The following GSE1 variants were observed in gnomAD, a reference collection of about 807,000 sequenced individuals.
The protein encoded by GSE1 is Gse1 coiled-coil protein, also known as genetic suppressor element 1.
Under a neutral mutation model 112.6 loss-of-function variants are expected in GSE1, and 32 were observed. The ratio of observed to expected loss-of-function variants is 0.28; its 90% CI spans 0.21 to 0.38. The LOEUF (loss-of-function observed/expected upper bound fraction) is 0.38, where lower values mean the gene tolerates loss of function less well. GSE1 is among the 10% of genes least tolerant of loss of function. GSE1 has a pLI of 1.00. For missense variants in GSE1, 2,348 were observed against 1,699.2 expected (o/e 1.38, Z -6.71); for synonymous variants, 1,115 against 735.6 (o/e 1.52, Z -8.35).
At chr16:85,253,740 G>A (rs1444379201) in intron 1 of GSE1, among the ~76,000 whole-genome samples, 1 of 152,116 alleles carries the variant, frequency 6.6e-6, no homozygotes, top group African/African-American at 2.4e-5. Flanking sequence ...TGCTCCCGGT[G>A]GAGGGAACTG....
At chr16:85,200,680 C>T (rs2143549073) in intron 1 of GSE1, among the ~76,000 whole-genome samples, 1 of 152,298 alleles carries the variant, frequency 6.6e-6, no homozygotes, top group South Asian at 2.1e-4. Context: ...AATCTTACTG[C>T]AAGGGGACAG....
chr16:85,665,483 G>A (rs555037030), intron 12 of GSE1, among the ~76,000 whole-genome samples: 3 of 152,320 alleles, frequency 2.0e-5, no homozygotes, highest in South Asian at 2.1e-4. Flanking sequence ...CTTAGTGCCC[G>A]CAGCCTGGTC....
intron 2 of GSE1, among the ~76,000 whole-genome samples, chr16:85,386,332 C>A (rs149108333): frequency 3.9e-5 from 6 of 152,316 alleles, no homozygotes; most frequent in Admixed American, 3.3e-4. Context: ...CTGGGTCAAA[C>A]CTGGTCATGC....
At chr16:85,291,964 C>T (rs28680870) in intron 1 of GSE1, among the ~76,000 whole-genome samples, 1 of 152,194 alleles carries the variant, frequency 6.6e-6, no homozygotes, top group Non-Finnish European at 1.5e-5. Flanking sequence ...CTGCCCTTGA[C>T]CCTGGGAGCC....
chr16:85,391,570 C>T (rs373347015), intron 2 of GSE1, among the ~76,000 whole-genome samples: 10 of 152,220 alleles, frequency 6.6e-5, no homozygotes, highest in East Asian at 5.8e-4. Context: ...GCGGTCATCA[C>T]GTGGCCGCCT....
chr16:85,392,856 A>T (rs2047873789), intron 2 of GSE1, among the ~76,000 whole-genome samples: 6 of 152,132 alleles, frequency 3.9e-5, no homozygotes, highest in Admixed American at 3.9e-4. Context: ...AGGTTGGCTG[A>T]CCCCGAATGT....
intron 1 of GSE1, among the ~76,000 whole-genome samples, chr16:85,179,324 G>A (rs11644621): frequency 0.3 from 45,520 of 152,128 alleles, 7,678 homozygotes; most frequent in South Asian, 0.49. Context: ...ATGCTGTTGC[G>A]TGGATCAGAG....
chr16:85,237,519 C>A (rs1017562140), intron 1 of GSE1, among the ~76,000 whole-genome samples: 2 of 151,778 alleles, frequency 1.3e-5, no homozygotes, highest in African/African-American at 4.8e-5. Flanking sequence ...TTGGCTTCTC[C>A]GTAAGGTACT....
At chr16:85,550,901 C>T (rs964752443) in intron 2 of GSE1, among the ~76,000 whole-genome samples, 4 of 152,228 alleles carry the variant, frequency 2.6e-5, no homozygotes, top group African/African-American at 9.6e-5. Flanking sequence ...CAGCAGCCCC[C>T]AGCTTGTTTT....
chr16:85,485,707 G>A (rs2050813208), intron 2 of GSE1, among the ~76,000 whole-genome samples: 2 of 152,244 alleles, frequency 1.3e-5, no homozygotes, highest in African/African-American at 4.8e-5. Context: ...GCGGCCGGCT[G>A]TGCATCAGTG....
At chr16:85,561,836 G>C (rs1262646451) in intron 1 of GSE1, among the ~76,000 whole-genome samples, 2 of 152,250 alleles carry the variant, frequency 1.3e-5, no homozygotes. Flanking sequence ...GGGGCCGCTG[G>C]GTTCTATTTC....
intron 1 of GSE1, among the ~76,000 whole-genome samples, chr16:85,625,621 G>C (rs1288759707): frequency 6.6e-6 from 1 of 152,176 alleles, no homozygotes; most frequent in Non-Finnish European, 1.5e-5. Flanking sequence ...CCTCCTTTGT[G>C]TTCCCAGCAT....
chr16:85,562,883 G>A (rs1289544214), intron 1 of GSE1, among the ~76,000 whole-genome samples: 3 of 152,268 alleles, frequency 2.0e-5, no homozygotes, highest in African/African-American at 4.8e-5. Flanking sequence ...GGAGACTAGG[G>A]TGGTAGAGGC....
intron 2 of GSE1, among the ~76,000 whole-genome samples, chr16:85,364,505 C>T (rs1465251266): frequency 1.3e-5 from 2 of 152,224 alleles, no homozygotes; most frequent in Non-Finnish European, 2.9e-5. Flanking sequence ...CTGCATTAGT[C>T]AGGGCAGGCA....
At chr16:85,602,640 G>T (rs988139290) in intron 1 of GSE1, among the ~76,000 whole-genome samples, 4 of 152,178 alleles carry the variant, frequency 2.6e-5, no homozygotes, top group African/African-American at 9.7e-5. Context: ...GGGGCCTGAG[G>T]TGTAGGTGTC....
chr16:85,435,200 G>A (rs953060063), intron 2 of GSE1, among the ~76,000 whole-genome samples: 11 of 152,160 alleles, frequency 7.2e-5, no homozygotes, highest in African/African-American at 2.4e-4. Context: ...CCAGAGCCTC[G>A]GCCCTGCACA....
intron 1 of GSE1, among the ~76,000 whole-genome samples, chr16:85,176,176 A>G (rs2074460035): frequency 6.6e-6 from 1 of 151,352 alleles, no homozygotes; most frequent in Admixed American, 6.6e-5. Flanking sequence ...TTTTCTAGAG[A>G]CTCTGTTGCC....
chr16:85,274,748 G>A (rs779170866), intron 1 of GSE1, among the ~76,000 whole-genome samples: 21 of 152,230 alleles, frequency 1.4e-4, no homozygotes, highest in Non-Finnish European at 2.8e-4. Context: ...GACCACTGAG[G>A]CTGCTTCCAG....
intron 1 of GSE1, among the ~76,000 whole-genome samples, chr16:85,344,542 C>T (rs1019060508): frequency 2.6e-5 from 4 of 152,218 alleles, no homozygotes; most frequent in East Asian, 1.9e-4. Context: ...ATGTGTGAAG[C>T]GCAGGGCTGC....
Sources: allele counts gnomAD v4.1 joint callset (sites outside exome capture counted in the v4.1 genomes callset), GRCh38; gene constraint gnomAD v4.1.1; transcripts MANE v1.5; gene names NCBI Gene and HGNC (gene_info 2026-07-23, HGNC 2026-07-21).